The following POM121C variants were observed in gnomAD, a reference collection of about 807,000 sequenced individuals.
POM121C encodes nuclear envelope pore membrane protein POM 121C.
In POM121C, 20 loss-of-function variants were observed where a neutral mutation model predicts 66.4. That is an observed-to-expected ratio of 0.30 (90% CI 0.21 to 0.44). POM121C has a LOEUF of 0.44. Among genes scored for constraint, POM121C ranks in the 20% least tolerant of loss-of-function variants. The pLI is 1.00. For synonymous variants in POM121C, 286 were observed against 528.0 expected, an observed-to-expected ratio of 0.54 and a Z score of 6.28; for missense variants, 580 against 1,225.7, an observed-to-expected ratio of 0.47 and a Z score of 7.87.
At chr7:75,477,049 G>T (rs1180843522) in intron 1 of POM121C, among the ~76,000 whole-genome samples, 1 of 150,518 alleles carries the variant, frequency 6.6e-6, no homozygotes, top group East Asian at 2.0e-4. Context: ...GCCATAGTAC[G>T]TATGATATGT....
chr7:75,439,257 G>A (rs781924852), intron 5 of POM121C, 33 bp from the exon 6 acceptor site: 1 of 1,613,320 alleles, frequency 6.2e-7, no homozygotes, highest in Non-Finnish European at 8.5e-7. Flanking sequence ...CAAATGAAAT[G>A]ACATGACTTT....
intron 3 of POM121C, chr7:75,442,341 A>T: frequency 7.1e-7 from 1 of 1,411,634 alleles, no homozygotes; most frequent in Non-Finnish European, 9.1e-7. Context: ...TTGCCCAGGT[A>T]ACTGCCCATG....
chr7:75,467,510 C>T (rs1172726901), intron 3 of POM121C, among the ~76,000 whole-genome samples: 59 of 115,826 alleles, frequency 5.1e-4, no homozygotes, highest in African/African-American at 1.8e-3. Flanking sequence ...CCAGCCTGGG[C>T]GACAGAGCGA....
chr7:75,434,350 A>T (rs1554472767), intron 7 of POM121C, among the ~76,000 whole-genome samples: 6 of 151,596 alleles, frequency 4.0e-5, no homozygotes. Flanking sequence ...AGGTCGGCTC[A>T]CTTGACCTCC....
chr7:75,442,427 G>A (rs1268783985), intron 3 of POM121C: 20 of 1,432,886 alleles, frequency 1.4e-5, no homozygotes, highest in Non-Finnish European at 1.7e-5. Flanking sequence ...TGTCGACTTG[G>A]CCGGAGGCGA....
chr7:75,453,818 AT>A (rs1471865057), intron 3 of POM121C, among the ~76,000 whole-genome samples: 1 of 151,890 alleles, frequency 6.6e-6, no homozygotes, highest in Admixed American at 6.6e-5. Context: ...GGCTGGAATC[AT>A]TTAGAGGCAT....
At chr7:75,432,926 C>T (rs1199033058) in intron 7 of POM121C, among the ~76,000 whole-genome samples, 4 of 152,008 alleles carry the variant, frequency 2.6e-5, no homozygotes, top group East Asian at 1.9e-4. Flanking sequence ...TGCACGTTAC[C>T]GATTCTAACA....
At chr7:75,435,808 G>C (rs1320302284) in intron 7 of POM121C, among the ~76,000 whole-genome samples, 44 of 152,214 alleles carry the variant, frequency 2.9e-4, no homozygotes, top group African/African-American at 1.0e-3. Context: ...CCAGCACTTT[G>C]GGAGGCCAAG....
intron 7 of POM121C, among the ~76,000 whole-genome samples, chr7:75,433,637 G>A (rs1790279241): frequency 6.6e-6 from 1 of 152,182 alleles, no homozygotes; most frequent in Admixed American, 6.5e-5. Flanking sequence ...GGGATTACAG[G>A]CGTGAGCCAC....
intron 3 of POM121C, among the ~76,000 whole-genome samples, chr7:75,469,827 C>T (rs1440589386): frequency 1.3e-5 from 2 of 152,300 alleles, no homozygotes; most frequent in African/African-American, 2.4e-5. Context: ...GGCTGTCTCT[C>T]CACCTCCTTC....
intron 3 of POM121C, among the ~76,000 whole-genome samples, chr7:75,466,357 A>G (rs1159684794): frequency 6.6e-6 from 1 of 151,844 alleles, no homozygotes; most frequent in Non-Finnish European, 1.5e-5. Flanking sequence ...TCTAGTCCCA[A>G]CACTTTGGGA....
At chr7:75,479,793 G>C (rs1792241145) in intron 1 of POM121C, among the ~76,000 whole-genome samples, 1 of 151,962 alleles carries the variant, frequency 6.6e-6, no homozygotes, top group African/African-American at 2.4e-5. Flanking sequence ...AGGAAAAATG[G>C]ATATTACTTA....
At chr7:75,442,593 C>T (rs1790696354) in intron 3 of POM121C, 1 of 1,491,252 alleles carries the variant, frequency 6.7e-7, no homozygotes, top group South Asian at 1.3e-5. Context: ...AGTAGGAGGC[C>T]GACCAGCGAC....
At chr7:75,457,890 T>C (rs1343061985) in intron 3 of POM121C, among the ~76,000 whole-genome samples, 2 of 152,252 alleles carry the variant, frequency 1.3e-5, no homozygotes, top group African/African-American at 4.8e-5. Flanking sequence ...TATATATTTT[T>C]TCTTTTAGAA....
intron 3 of POM121C, among the ~76,000 whole-genome samples, chr7:75,461,872 C>A (rs1277760488): frequency 6.6e-6 from 1 of 151,074 alleles, no homozygotes; most frequent in African/African-American, 2.5e-5. Context: ...AAGAGTGAGT[C>A]GCAAGGGAAA....
intron 1 of POM121C, among the ~76,000 whole-genome samples, chr7:75,481,047 A>AT (rs1792290679): frequency 1.3e-4 from 19 of 145,816 alleles, no homozygotes; most frequent in Admixed American, 5.5e-4. Context: ...ATATATATAT[A>AT]AATATATATA....
rs1554473989 is a variant in POM121C at position 75,441,501 on chromosome 7, G to C, written c.-5C>G. 6.2e-7 allele frequency: 1 copy of C among 1,613,786 alleles called. No individual in the cohort carries two copies. The highest frequency in any genetic ancestry group is 1.3e-5 in the African/African-American group (1 of 74,898). ...AGTCACTGGGCTACACACCATCCTG[G>C]AGTTGCGAGGGGACAGCACAGCCTT... is the stretch of plus-strand genomic sequence containing the variant. On this transcript the variant is annotated 5_prime_UTR_variant, in exon 4 of 15. Coordinates refer to ENST00000615331, the MANE Select transcript of POM121C (RefSeq NM_001099415.3).
intron 3 of POM121C, among the ~76,000 whole-genome samples, chr7:75,466,135 AC>A (rs1281666879): frequency 6.6e-6 from 1 of 151,236 alleles, no homozygotes; most frequent in African/African-American, 2.4e-5. Context: ...TAAAAAAAAA[AC>A]GTCAAATCCT....
intron 3 of POM121C, among the ~76,000 whole-genome samples, chr7:75,467,053 C>T (rs1791679066): frequency 6.6e-6 from 1 of 152,244 alleles, no homozygotes; most frequent in Admixed American, 6.5e-5. Flanking sequence ...CTCCAGGGCA[C>T]AACCCCTGAG....
Sources: gnomAD v4.1 joint callset for allele counts (sites outside exome capture counted in the v4.1 genomes callset) on GRCh38, gnomAD v4.1.1 for gene constraint, MANE v1.5 for transcripts, NCBI Gene and HGNC (gene_info 2026-07-23, HGNC 2026-07-21) for gene names.